AMOTL1: variants seen among roughly 807,000 people sequenced by gnomAD.
AMOTL1 encodes the protein angiomotin like 1.
A neutral mutation model predicts 102.9 loss-of-function variants in AMOTL1; 45 were observed. The observed-to-expected ratio is 0.44, with a 90% CI of 0.34 to 0.56. The LOEUF (loss-of-function observed/expected upper bound fraction) is 0.56. Among genes scored for constraint, AMOTL1 ranks in the 20% least tolerant of loss-of-function variants. AMOTL1 has a pLI of 0.01. For synonymous variants in AMOTL1, 481 were observed against 484.7 expected, an observed-to-expected ratio of 0.99 and a Z score of 0.10; for missense variants, 1,114 against 1,225.6, an observed-to-expected ratio of 0.91 and a Z score of 1.36.
At chr11:94,809,248 A>G (rs7104771) in intron 3 of AMOTL1, among the ~76,000 whole-genome samples, 41,121 of 151,848 alleles carry the variant, frequency 0.27, 6,121 homozygotes, top group East Asian at 0.47. Flanking sequence ...TGGGATTACA[A>G]GCATGAGCCA....
intron 3 of AMOTL1, among the ~76,000 whole-genome samples, chr11:94,755,476 G>A (rs1189703238): frequency 6.6e-6 from 1 of 152,162 alleles, no homozygotes; most frequent in Admixed American, 6.5e-5. Context: ...CCTGCTTCCT[G>A]AGAAAACCTG....
rs1204696852 is a variant in AMOTL1 at position 94,869,172 on chromosome 11, T to C, written c.2489-26T>C. ...AAAAAAAAAAAGGAAAAAAAGAATG[T>C]TGAAAAATCTGTTCTCTGCCCTCAG... On this transcript the variant is annotated intron_variant, in intron 11 of 12. Transcript: ENST00000433060. 5 of 1,531,950 alleles carry C rather than the reference T, an allele frequency of 3.3e-6. No individual in the cohort carries two copies. In the South Asian group the frequency reaches 4.9e-5, roughly 15 times the overall value. The allele number at this position is 1,531,950 out of a possible 1,614,324, so 94.9% of individuals were successfully genotyped here. A position where few individuals can be genotyped will look rare whatever the true frequency, so the allele number is the denominator to read the frequency against.
At position 94,874,302 on chromosome 11, in the gene AMOTL1, TCTC is replaced by T. The variant is rs1278219911; in HGVS notation, c.*3508_*3510del. ...GCAGAACCCTTTCTTAGCGTTTTCT[TCTC>T]AGCATTTTCTCTGCCTCCCAGAGGC... is the stretch of plus-strand genomic sequence containing the variant. On this transcript the variant is annotated 3_prime_UTR_variant, in exon 13 of 13. Transcript: ENST00000433060. 2 of 152,362 alleles carry T rather than the reference TCTC, an allele frequency of 1.3e-5. No individual in the cohort carries two copies. Among genetic ancestry groups the T allele is most frequent in the African/African-American group, 2.4e-5 (1 of 41,584 alleles). 9.4% of individuals were successfully genotyped at this position (152,362 alleles called of 1,614,324 possible). A position where few individuals can be genotyped will look rare whatever the true frequency, so the allele number is the denominator to read the frequency against.
intron 1 of AMOTL1, among the ~76,000 whole-genome samples, chr11:94,786,155 A>C (rs1156891491): frequency 1.3e-5 from 2 of 152,226 alleles, no homozygotes; most frequent in African/African-American, 4.8e-5. Flanking sequence ...TGTTTTAGAT[A>C]AGTTAAGCAA....
chr11:94,868,215 T>C (rs1952921024), intron 11 of AMOTL1, among the ~76,000 whole-genome samples: 1 of 152,232 alleles, frequency 6.6e-6, no homozygotes, highest in Non-Finnish European at 1.5e-5. Context: ...GAGTTCTAAA[T>C]GGGCACCTTA....
chr11:94,811,777 G>A (rs1951687677), intron 3 of AMOTL1, among the ~76,000 whole-genome samples: 1 of 152,166 alleles, frequency 6.6e-6, no homozygotes, highest in African/African-American at 2.4e-5. Flanking sequence ...AAGTTAAGGA[G>A]AAATTAAGAC....
intron 8 of AMOTL1, among the ~76,000 whole-genome samples, chr11:94,859,135 T>C (rs146064393): frequency 6.6e-6 from 1 of 152,178 alleles, no homozygotes; most frequent in Non-Finnish European, 1.5e-5. Flanking sequence ...GAAAGTACCC[T>C]AGACCAGGAG....
At chr11:94,787,788 C>A in intron 1 of AMOTL1, among the ~76,000 whole-genome samples, 1 of 143,568 alleles carries the variant, frequency 7.0e-6, no homozygotes, top group African/African-American at 2.5e-5. Flanking sequence ...AAAAATAAGT[C>A]TATCAGAGAT....
At chr11:94,712,753 G>C (rs1161304631) in intron 1 of AMOTL1, among the ~76,000 whole-genome samples, 4 of 151,800 alleles carry the variant, frequency 2.6e-5, no homozygotes, top group African/African-American at 9.7e-5. Context: ...TTAGATGTAT[G>C]GTTTGCAGAT....
intron 6 of AMOTL1, among the ~76,000 whole-genome samples, chr11:94,834,778 ACT>A (rs1952140891): frequency 6.6e-6 from 1 of 151,914 alleles, no homozygotes; most frequent in African/African-American, 2.4e-5. Context: ...CACCCAAACA[ACT>A]CTTGCAGTTC....
intron 1 of AMOTL1, among the ~76,000 whole-genome samples, chr11:94,716,727 G>A (rs1950103615): frequency 6.6e-6 from 1 of 152,218 alleles, no homozygotes; most frequent in African/African-American, 2.4e-5. Flanking sequence ...TGGCCTACCT[G>A]TTGTCTTGGA....
chr11:94,804,723 T>TCA (rs1491171638), intron 3 of AMOTL1, among the ~76,000 whole-genome samples: 3 of 135,058 alleles, frequency 2.2e-5, no homozygotes, highest in Non-Finnish European at 5.3e-5. Flanking sequence ...TTCCTAAGAC[T>TCA]TATATATTAT....
chr11:94,867,445 C>T (rs1389744884), intron 11 of AMOTL1, among the ~76,000 whole-genome samples: 1 of 152,186 alleles, frequency 6.6e-6, no homozygotes, highest in Non-Finnish European at 1.5e-5. Flanking sequence ...TGACGTGCAG[C>T]CAGGCAGGCA....
intron 1 of AMOTL1, among the ~76,000 whole-genome samples, chr11:94,724,604 G>A (rs1950225816): frequency 1.3e-5 from 2 of 152,068 alleles, no homozygotes; most frequent in Non-Finnish European, 2.9e-5. Context: ...CTTGTACTTG[G>A]TATGTTGTTC....
intron 6 of AMOTL1, among the ~76,000 whole-genome samples, chr11:94,836,998 T>A (rs745517422): frequency 5.1e-5 from 6 of 116,894 alleles, no homozygotes; most frequent in Non-Finnish European, 1.2e-4. Context: ...TGCTGGACAC[T>A]GCAGATCTAC....
chr11:94,722,340 G>T (rs1950187061), intron 1 of AMOTL1, among the ~76,000 whole-genome samples: 1 of 152,162 alleles, frequency 6.6e-6, no homozygotes, highest in African/African-American at 2.4e-5. Flanking sequence ...GCAGTCTGCA[G>T]ATGGGACAAC....
At chr11:94,758,487 C>T (rs1336473790) in intron 3 of AMOTL1, among the ~76,000 whole-genome samples, 1 of 152,204 alleles carries the variant, frequency 6.6e-6, no homozygotes, top group Admixed American at 6.5e-5. Flanking sequence ...GCTTGTCTTA[C>T]AGGATGCTTA....
At chr11:94,809,352 C>A (rs1289645359) in intron 3 of AMOTL1, among the ~76,000 whole-genome samples, 1 of 152,136 alleles carries the variant, frequency 6.6e-6, no homozygotes, top group Non-Finnish European at 1.5e-5. Flanking sequence ...TACCCAATAG[C>A]CTAGTGGTTA....
chr11:94,874,378 C>T lies in AMOTL1; in HGVS notation c.*3583C>T, dbSNP rs1035941119. The T allele has an allele frequency of 1.3e-5, 2 of 152,296 alleles. No individual in the cohort carries two copies. The highest frequency in any genetic ancestry group is 4.8e-5 in the African/African-American group (2 of 41,470). 9.4% of individuals were successfully genotyped at this position (152,296 alleles called of 1,614,324 possible). On this transcript the variant is annotated 3_prime_UTR_variant, in exon 13 of 13. Coordinates refer to ENST00000433060, the MANE Select transcript of AMOTL1 (RefSeq NM_130847.3). ...GTTCAGCATGTTCTAACCATGCACGCAGGGCAGGGGCTGCCTTGGCCCTCC... is the reference window on the plus strand; with the variant it reads ...GTTCAGCATGTTCTAACCATGCACGTAGGGCAGGGGCTGCCTTGGCCCTCC...
Sources: allele counts gnomAD v4.1 joint callset (sites outside exome capture counted in the v4.1 genomes callset), GRCh38; gene constraint gnomAD v4.1.1; transcripts MANE v1.5; gene names NCBI Gene and HGNC (gene_info 2026-07-23, HGNC 2026-07-21).